The following ZNF44 variants were observed in gnomAD, a reference collection of about 807,000 sequenced individuals.
ZNF44 encodes the protein zinc finger protein 44, also known as gonadotropin inducible transcription repressor-2.
A neutral mutation model predicts 11.7 loss-of-function variants in ZNF44; 9 were observed. That is an observed-to-expected ratio of 0.77 (90% CI 0.46 to 1.35). The LOEUF (loss-of-function observed/expected upper bound fraction) is 1.35, where lower values mean the gene tolerates loss of function less well. Among genes scored for constraint, ZNF44 ranks in the 40% most tolerant of loss-of-function variants. The pLI, the probability that ZNF44 is intolerant of heterozygous loss-of-function variation, is 0.00. For missense variants in ZNF44, 696 were observed against 743.1 expected (o/e 0.94, Z 0.74); for synonymous variants, 224 against 242.7 (o/e 0.92, Z 0.72).
At chr19:12,269,422 T>A (rs1013968312), downstream of ZNF44, among the ~76,000 whole-genome samples, 1 of 152,034 alleles carries the variant, frequency 6.6e-6, no homozygotes, top group Non-Finnish European at 1.5e-5. Flanking sequence ...CTCGGGAGGC[T>A]GAGGCAGGAG....
chr19:12,240,680 C>A (rs1406538804), upstream of ZNF44, among the ~76,000 whole-genome samples: 5 of 152,050 alleles, frequency 3.3e-5, no homozygotes, highest in Admixed American at 3.3e-4. Context: ...GACAACAGTG[C>A]CATGATCATT....
At chr19:12,228,366 C>G (rs552503075) in intron 3 of ZNF44, among the ~76,000 whole-genome samples, 1 of 152,164 alleles carries the variant, frequency 6.6e-6, no homozygotes, top group African/African-American at 2.4e-5. Flanking sequence ...TAATTATGTA[C>G]TAGGTGTAGA....
downstream of ZNF44, among the ~76,000 whole-genome samples, chr19:12,271,550 T>C (rs1164342856): frequency 6.6e-6 from 1 of 152,186 alleles, no homozygotes; most frequent in Non-Finnish European, 1.5e-5. Context: ...CACATCACAT[T>C]AGGCACCATA....
chr19:12,241,194 A>G (rs1228196272), upstream of ZNF44, among the ~76,000 whole-genome samples: 1 of 152,244 alleles, frequency 6.6e-6, no homozygotes, highest in Non-Finnish European at 1.5e-5. Context: ...TCAAAACACC[A>G]GTGACAGTTC....
intron 2 of ZNF44, chr19:12,234,631 C>G (rs1429438730): frequency 6.6e-6 from 1 of 152,186 alleles, no homozygotes; most frequent in African/African-American, 2.4e-5. Flanking sequence ...AGCACTTGTT[C>G]TCTAATTGAC....
exon 8 of ZNF44, chr19:12,248,302 TC>T: frequency 1.5e-6 from 2 of 1,295,264 alleles, no homozygotes; most frequent in Non-Finnish European, 2.0e-6. Context: ...CCAGTGTGAG[TC>T]CTTCCATGTA....
At chr19:12,267,452 TA>T (rs1490953335), downstream of ZNF44, among the ~76,000 whole-genome samples, 4 of 152,082 alleles carry the variant, frequency 2.6e-5, no homozygotes, top group African/African-American at 9.7e-5. Flanking sequence ...TATAAAGGAA[TA>T]AAAACGGAAG....
Position 12,272,463 on chromosome 19 carries a change from T to C in ZNF44, c.1792A>G (p.Ser598Gly), listed in dbSNP as rs1294952778. ...TGTCTATTAAAGGAACTGAGAGAAC[T>C]GAAGGCTTTCCCACATTCCTTACAT... Reference protein sequence around the residue: ...YECKECGKAFSSLSSFNRHKR... With the variant: ...YECKECGKAFGSLSSFNRHKR... Residue 598 changes from serine (S) to glycine (G), a missense_variant, in exon 4 of 4, where the codon AGT becomes GGT. Physicochemically the swap from Ser to Gly is moderately conservative, Grantham distance 56. Transcript: ENST00000355684. 4 of 1,596,502 alleles carry C rather than the reference T, an allele frequency of 2.5e-6. No individual in the cohort carries two copies. The highest frequency in any genetic ancestry group is 2.6e-6 in the Non-Finnish European group (3 of 1,173,976).
At chr19:12,275,183 T>C in intron 2 of ZNF44, 150 bp from the exon 3 acceptor site, 1 of 495,920 alleles carries the variant, frequency 2.0e-6, no homozygotes, top group Non-Finnish European at 3.4e-6. Flanking sequence ...CACAAGTCCA[T>C]TTATATATAA....
chr19:12,233,277 T>C (rs963521211), intron 2 of ZNF44, among the ~76,000 whole-genome samples: 1 of 144,974 alleles, frequency 6.9e-6, no homozygotes, highest in African/African-American at 2.7e-5. Context: ...CTAAAACCAA[T>C]ATATACTCTT....
At chr19:12,290,437 T>G (rs1157473979) in intron 1 of ZNF44, among the ~76,000 whole-genome samples, 4 of 146,804 alleles carry the variant, frequency 2.7e-5, no homozygotes, top group Non-Finnish European at 4.5e-5. Flanking sequence ...GCACAGTGGT[T>G]CACGCCTGTA....
At chr19:12,275,840 G>C in intron 2 of ZNF44, 116 bp downstream of exon 2, 1 of 1,326,632 alleles carries the variant, frequency 7.5e-7, no homozygotes, top group Non-Finnish European at 1.0e-6. Context: ...ACTTCACCCT[G>C]TGTTGTTCAG....
downstream of ZNF44, among the ~76,000 whole-genome samples, chr19:12,267,038 T>TTTTTTTC (rs1555739401): frequency 1.4e-5 from 2 of 147,970 alleles, no homozygotes; most frequent in African/African-American, 5.0e-5. Flanking sequence ...CATTTTTTCT[T>TTTTTTTC]TTTTCTTTTT....
chr19:12,266,791 C>A (rs1005395011), intron 5 of ZNF44, among the ~76,000 whole-genome samples: 4 of 152,196 alleles, frequency 2.6e-5, no homozygotes, highest in Non-Finnish European at 4.4e-5. Context: ...CCAGAGCTGG[C>A]ACTGGCGTCT....
intron 5 of ZNF44, among the ~76,000 whole-genome samples, chr19:12,262,807 C>T (rs1225758600): frequency 6.6e-6 from 1 of 152,158 alleles, no homozygotes; most frequent in Non-Finnish European, 1.5e-5. Flanking sequence ...AAATCCTACA[C>T]ACTCACATGT....
intron 2 of ZNF44, 84 bp from the exon 3 acceptor site, chr19:12,275,117 T>C (rs1164232318): frequency 3.1e-6 from 3 of 975,354 alleles, no homozygotes; most frequent in Admixed American, 3.1e-5. Flanking sequence ...ACTACAATCA[T>C]GTATGATTCA....
In ZNF44 at chr19:12,273,420, T is replaced by A; in HGVS notation, c.835A>T (p.Lys279Ter). ...CCACATTGTTTACATTTGTAGGGTT[T>A]CTCTCCAGTGTGAGTTCTTTCATGT... ...LRHERTHTGEKPYKCKQCGKA... is the reference protein window; with the variant it reads ...LRHERTHTGE Residue 279 changes from lysine (K) to a stop codon, truncating the protein, a stop_gained, in exon 4 of 4, where the codon AAA (lysine) becomes TAA (stop). Transcript: ENST00000355684. LOFTEE classifies it low-confidence loss of function (END_TRUNC). 6.2e-7 allele frequency: 1 copy of A among 1,614,058 alleles called. No homozygotes were observed. Among genetic ancestry groups the A allele is most frequent in the African/African-American group, 1.3e-5 (1 of 74,998 alleles).
intron 3 of ZNF44, among the ~76,000 whole-genome samples, chr19:12,227,865 CA>C (rs1191864836): frequency 6.6e-6 from 1 of 152,166 alleles, no homozygotes; most frequent in East Asian, 1.9e-4. Flanking sequence ...CCAAATATGC[CA>C]AATTTTACCA....
intron 1 of ZNF44, among the ~76,000 whole-genome samples, chr19:12,286,996 A>G (rs538125726): frequency 6.6e-6 from 1 of 151,722 alleles, no homozygotes; most frequent in South Asian, 2.1e-4. Context: ...CTTGGGTAAT[A>G]CCCTAAAATG....
Sources: allele counts gnomAD v4.1 joint callset (sites outside exome capture counted in the v4.1 genomes callset), GRCh38; gene constraint gnomAD v4.1.1; transcripts MANE v1.5; gene names NCBI Gene and HGNC (gene_info 2026-07-23, HGNC 2026-07-21).